The following SLCO1B3 variants were observed in gnomAD, a reference collection of about 807,000 sequenced individuals.
SLCO1B3 encodes the protein solute carrier organic anion transporter family member 1B3, also known as liver-specific organic anion transporter 2.
SLCO1B3 carries 72 observed loss-of-function variants against 71.8 expected under a neutral mutation model. The ratio of observed to expected loss-of-function variants is 1.00; its 90% CI spans 0.83 to 1.22. The LOEUF is 1.22. Ranked by LOEUF, SLCO1B3 falls within the 50% of genes most tolerant of loss-of-function variation. The pLI, the probability that SLCO1B3 is intolerant of heterozygous loss-of-function variation, is 0.00. For missense variants in SLCO1B3, 911 were observed against 819.7 expected, an observed-to-expected ratio of 1.11 and a Z score of -1.36; for synonymous variants, 298 against 278.4, an observed-to-expected ratio of 1.07 and a Z score of -0.70.
intron 13 of SLCO1B3, among the ~76,000 whole-genome samples, chr12:20,891,296 C>T (rs1426015472): frequency 6.7e-6 from 1 of 149,954 alleles, no homozygotes; most frequent in Non-Finnish European, 1.5e-5. Flanking sequence ...GAGCAGTATA[C>T]AAAATTCTTG....
At chr12:20,879,352 T>C in intron 10 of SLCO1B3, 84 bp from the exon 11 acceptor site, 1 of 998,514 alleles carries the variant, frequency 1.0e-6, no homozygotes, top group Non-Finnish European at 1.5e-6. Context: ...ATTTGGTTGA[T>C]ATACACTGTG....
At chr12:20,874,074 C>A (rs1451266687) in intron 8 of SLCO1B3, among the ~76,000 whole-genome samples, 3 of 152,102 alleles carry the variant, frequency 2.0e-5, no homozygotes, top group Non-Finnish European at 4.4e-5. Flanking sequence ...CATACATGTG[C>A]ATGTATCTTT....
chr12:20,895,102 G>T (rs1865978793), intron 13 of SLCO1B3, among the ~76,000 whole-genome samples: 1 of 152,118 alleles, frequency 6.6e-6, no homozygotes, highest in African/African-American at 2.4e-5. Flanking sequence ...CTCCCACTGG[G>T]TCCCTCCAAC....
chr12:20,861,016 GT>G lies in SLCO1B3; in HGVS notation c.361del (p.Tyr121IlefsTer23). 6.4e-7 allele frequency: 1 copy of G among 1,572,718 alleles called. No individual in the cohort carries two copies. The highest frequency in any genetic ancestry group is 8.7e-7 in the Non-Finnish European group (1 of 1,153,758). ...LTSLPHFFMG[Y>X]YRYSKETHIN... ...TGTTCAATTTCATGTTGCTCTTACAGTTATAGGTATTCTAAAGAAACCCATA... is the reference window on the plus strand; with the variant it reads ...TGTTCAATTTCATGTTGCTCTTACAGTATAGGTATTCTAAAGAAACCCATA... On this transcript the variant is annotated frameshift_variant and splice_region_variant, in exon 6 of 16. Coordinates refer to ENST00000381545, the MANE Select transcript of SLCO1B3 (RefSeq NM_019844.4). LOFTEE classifies it high-confidence loss of function.
intron 9 of SLCO1B3, among the ~76,000 whole-genome samples, chr12:20,876,923 C>T (rs957669919): frequency 5.3e-5 from 8 of 152,050 alleles, no homozygotes; most frequent in Non-Finnish European, 7.4e-5. Context: ...CTCCACCTCC[C>T]AGGTTCAAGC....
chr12:20,854,167 A>G (rs1023216812), intron 3 of SLCO1B3, among the ~76,000 whole-genome samples: 2 of 152,046 alleles, frequency 1.3e-5, no homozygotes, highest in African/African-American at 4.8e-5. Context: ...TGGAGAAAAG[A>G]TGTATTCTGT....
chr12:20,831,779 A>G (rs908587021), intron 3 of SLCO1B3, among the ~76,000 whole-genome samples: 3 of 152,208 alleles, frequency 2.0e-5, no homozygotes, highest in South Asian at 2.1e-4. Context: ...TAATTAAAAC[A>G]ATGGTAAAAA....
At chr12:20,901,604 G>T in intron 15 of SLCO1B3, 137 bp downstream of exon 15, 1 of 541,720 alleles carries the variant, frequency 1.8e-6, no homozygotes, top group South Asian at 2.4e-5. Context: ...ATTCACTATT[G>T]TATCAAGCAT....
At chr12:20,906,916 A>T (rs938471822) in intron 15 of SLCO1B3, among the ~76,000 whole-genome samples, 1 of 152,206 alleles carries the variant, frequency 6.6e-6, no homozygotes, top group African/African-American at 2.4e-5. Context: ...TATCCTAAAG[A>T]TATCTATACT....
chr12:20,870,015 A>T (rs1865448816), intron 8 of SLCO1B3, among the ~76,000 whole-genome samples: 1 of 152,182 alleles, frequency 6.6e-6, no homozygotes, highest in East Asian at 1.9e-4. Flanking sequence ...TTTATTTTTG[A>T]TAATAGCCAT....
chr12:20,899,695 G>T (rs12319728), intron 14 of SLCO1B3, among the ~76,000 whole-genome samples: 5 of 152,146 alleles, frequency 3.3e-5, no homozygotes, highest in Non-Finnish European at 5.9e-5. Context: ...TGGAATCTGG[G>T]CCACAGAGGC....
At chr12:20,863,870 CTAATTG>C (rs1865321551) in intron 8 of SLCO1B3, among the ~76,000 whole-genome samples, 1 of 152,114 alleles carries the variant, frequency 6.6e-6, no homozygotes, top group Admixed American at 6.5e-5. Context: ...ATGTAATTTA[CTAATTG>C]TAATGGATAT....
At chr12:20,856,513 G>T (rs1161092680) in intron 4 of SLCO1B3, among the ~76,000 whole-genome samples, 1 of 152,136 alleles carries the variant, frequency 6.6e-6, no homozygotes, top group African/African-American at 2.4e-5. Context: ...ATGATATAAA[G>T]CATACAGGAG....
chr12:20,827,254 T>C (rs1190970410), intron 3 of SLCO1B3, among the ~76,000 whole-genome samples: 1 of 152,210 alleles, frequency 6.6e-6, no homozygotes. Context: ...AACAATAATG[T>C]GAATTGACAA....
chr12:20,856,721 G>GTGT (rs1206830691), intron 4 of SLCO1B3, among the ~76,000 whole-genome samples: 6 of 152,060 alleles, frequency 3.9e-5, no homozygotes. Context: ...CACCACATCC[G>GTGT]GCTAATTTTC....
intron 8 of SLCO1B3, among the ~76,000 whole-genome samples, chr12:20,867,101 CT>C (rs908536036): frequency 3.9e-5 from 6 of 152,078 alleles, no homozygotes; most frequent in African/African-American, 1.4e-4. Context: ...GAGTTGAATA[CT>C]GAAGGTGCTG....
chr12:20,877,946 AT>A lies in SLCO1B3; in HGVS notation c.1135+16del. 1 of 1,569,258 alleles carries A rather than the reference AT, an allele frequency of 6.4e-7. No homozygotes were observed. Among genetic ancestry groups the A allele is most frequent in the South Asian group, 1.2e-5 (1 of 83,762 alleles). The stretch of plus-strand genomic sequence containing the variant: ...GCTAACTTTTTGTTGGGTAAGACAT[AT>A]TTTTTACCTGTTTGCTTGATAAATG... On this transcript the variant is annotated intron_variant, in intron 10 of 15. Coordinates refer to ENST00000381545, the MANE Select transcript of SLCO1B3 (RefSeq NM_019844.4).
At chr12:20,850,283 T>TATTC (rs1375351099) in intron 3 of SLCO1B3, among the ~76,000 whole-genome samples, 4 of 146,452 alleles carry the variant, frequency 2.7e-5, no homozygotes, top group Non-Finnish European at 4.6e-5. Flanking sequence ...TTTATTTATT[T>TATTC]ATTTATTTAT....
intron 8 of SLCO1B3, among the ~76,000 whole-genome samples, chr12:20,864,846 C>T (rs1865341112): frequency 1.3e-5 from 2 of 152,068 alleles, no homozygotes; most frequent in African/African-American, 2.4e-5. Flanking sequence ...AAAGACATAA[C>T]ATAAATGAGT....
Sources: allele counts gnomAD v4.1 joint callset (sites outside exome capture counted in the v4.1 genomes callset), GRCh38; gene constraint gnomAD v4.1.1; transcripts MANE v1.5; gene names NCBI Gene and HGNC (gene_info 2026-07-23, HGNC 2026-07-21).